Variants in LTV1 observed in about 807,000 individuals in gnomAD.
The protein encoded by LTV1 is LTV1 ribosome biogenesis factor, also known as protein LTV1 homolog.
Under a neutral mutation model 59.9 loss-of-function variants are expected in LTV1, and 39 were observed. That is an observed-to-expected ratio of 0.65 (90% CI 0.50 to 0.85). The LOEUF (loss-of-function observed/expected upper bound fraction) is 0.85, where lower values mean the gene tolerates loss of function less well. Among genes scored for constraint, LTV1 ranks in the 40% least tolerant of loss-of-function variants. The pLI, the probability that LTV1 is intolerant of heterozygous loss-of-function variation, is 0.00. For synonymous variants in LTV1, 171 were observed against 189.5 expected (o/e 0.90, Z 0.80); for missense variants, 493 against 549.1 (o/e 0.90, Z 1.02).
rs1264337604 is a variant in LTV1 at position 143,862,919 on chromosome 6, AT to A, written c.1116+26del. The A allele has an allele frequency of 6.4e-7, 1 of 1,560,012 alleles. No individual in the cohort carries two copies. Among genetic ancestry groups the A allele is most frequent in the Non-Finnish European group, 8.8e-7 (1 of 1,131,006 alleles). ...AAGGTAAGTCCTAGTGTGCTGAGCT[AT>A]TTGAAGGATGCAGTGCATAAAAAAT... is the stretch of plus-strand genomic sequence containing the variant. On this transcript the variant is annotated intron_variant, in intron 9 of 10. Transcript: ENST00000367576. The surrounding 1 kb of genome is among the most constrained non-coding windows in gnomAD (Gnocchi z 4.2).
rs777360108 is a variant in LTV1 at position 143,862,204 on chromosome 6, G to A, written c.1024G>A (p.Glu342Lys). The A allele has an allele frequency of 3.7e-6, 6 of 1,613,672 alleles. No individual in the cohort carries two copies. The South Asian group carries it at 6.6e-5, about 18-fold the overall frequency. Residue 342 changes from glutamate to lysine, a missense_variant, in exon 8 of 11, where the codon GAA becomes AAA. Physicochemically the swap from Glu to Lys is moderately conservative, Grantham distance 56. Transcript: ENST00000367576. This position sits in a 1 kb window ranked among gnomAD's most constrained non-coding sequence, Gnocchi z 4.2. Reference protein sequence around the residue: ...EEEEMITVVLEEAKEKWDCES... With the variant: ...EEEEMITVVLKEAKEKWDCES... ...GGAAGAAATGATTACTGTAGTCCTT[G>A]AAGAAGCCAAAGAGAAGTGGGATTG... is the stretch of plus-strand genomic sequence containing the variant.
chr6:143,843,957 T>C (rs1776846256), intron 1 of LTV1, among the ~76,000 whole-genome samples: 3 of 152,304 alleles, frequency 2.0e-5, no homozygotes, highest in South Asian at 2.1e-4. Flanking sequence ...AGAATCAAAA[T>C]TGAATAGCGA....
In LTV1 at chr6:143,844,422, A is replaced by G. The variant is rs1306104934; in HGVS notation, c.4-64A>G. 3.0e-5 allele frequency: 47 copies of G among 1,563,334 alleles called. 1 individual carries two copies. The South Asian group carries it at 4.5e-4, about 15-fold the overall frequency. On this transcript the variant is annotated intron_variant, in intron 1 of 10. Transcript: ENST00000367576. ...ACTACTAAAGATGCATGTGTGGACT[A>G]TGGAATTATTCTCCGTCTTTTTGTT...
intron 4 of LTV1, among the ~76,000 whole-genome samples, chr6:143,852,721 A>C (rs1170291273): frequency 1.3e-5 from 2 of 152,206 alleles, no homozygotes; most frequent in South Asian, 2.1e-4. Flanking sequence ...TGAAGTCTTT[A>C]ATCCATCTTG....
intron 4 of LTV1, 151 bp downstream of exon 4, chr6:143,850,369 G>A (rs1181603452): frequency 3.3e-6 from 2 of 597,102 alleles, no homozygotes; most frequent in Middle Eastern, 4.5e-4. Flanking sequence ...AGGGATGAAT[G>A]TGATCTTTGT....
At chr6:143,849,294 A>C (rs1307901971) in intron 3 of LTV1, among the ~76,000 whole-genome samples, 2 of 152,196 alleles carry the variant, frequency 1.3e-5, no homozygotes, top group African/African-American at 4.8e-5. Context: ...CCGAGGATTT[A>C]AGATTGCCAA....
chr6:143,852,365 G>A (rs543390111), intron 4 of LTV1, among the ~76,000 whole-genome samples: 2 of 152,304 alleles, frequency 1.3e-5, no homozygotes, highest in South Asian at 4.1e-4. Context: ...CTGCATAAAT[G>A]TCTTCATTTG....
intron 6 of LTV1, 131 bp downstream of exon 6, chr6:143,858,138 C>T (rs941058188): frequency 1.2e-6 from 1 of 830,204 alleles, no homozygotes; most frequent in Non-Finnish European, 1.9e-6. Flanking sequence ...TTACAACTAT[C>T]CAGCTATAGG....
intron 1 of LTV1, among the ~76,000 whole-genome samples, chr6:143,844,168 G>A (rs1337066831): frequency 6.6e-6 from 1 of 152,138 alleles, no homozygotes; most frequent in African/African-American, 2.4e-5. Context: ...GCATTTTCAC[G>A]TCACTGTCTT....
At chr6:143,846,307 G>C (rs1776889624) in intron 3 of LTV1, 83 bp downstream of exon 3, 1 of 1,329,386 alleles carries the variant, frequency 7.5e-7, no homozygotes, top group South Asian at 1.4e-5. Flanking sequence ...GGCAAGAAAT[G>C]GTGTCCGTAT....
Position 143,860,484 on chromosome 6 carries a change from G to T in LTV1, c.854G>T (p.Gly285Val), listed in dbSNP as rs754609861. 6.2e-7 allele frequency: 1 copy of T among 1,613,598 alleles called. No homozygotes were observed. Among genetic ancestry groups the T allele is most frequent in the East Asian group, 2.2e-5 (1 of 44,778 alleles). The part of the protein sequence containing the change: ...IGALDNAELE[G>V]SIQVDSNRLQ... The stretch of plus-strand genomic sequence containing the variant: ...GCTCTGGATAATGCAGAATTGGAAG[G>T]TTCTATTCAAGTGGACAGCAATCGC... The change falls in exon 7 of 11, where the codon GGT (glycine) becomes GTT (valine). Residue 285 changes from glycine to valine, a missense_variant. Physicochemically the swap from Gly to Val is moderately radical, Grantham distance 109. Transcript: ENST00000367576.
rs191856569 is a variant in LTV1, at chr6:143,855,030, A to G, written c.398-2273A>G. Among the ~76,000 whole-genome samples, 1 of 152,220 alleles carries G rather than the reference A, an allele frequency of 6.6e-6. No individual in the cohort carries two copies. The highest frequency in any genetic ancestry group is 1.9e-4 in the East Asian group (1 of 5,182). ...AATTTTCTGTCTCGTTGATCTGTCT[A>G]ATATTGACAGTGGGGTGTTAAAGTC... On this transcript the variant is annotated intron_variant, in intron 4 of 10. Coordinates refer to ENST00000367576, the MANE Select transcript of LTV1 (RefSeq NM_032860.5). This position sits in a 1 kb window ranked among gnomAD's most constrained non-coding sequence, Gnocchi z 4.6.
At chr6:143,845,268 C>T (rs1433435620) in intron 2 of LTV1, among the ~76,000 whole-genome samples, 2 of 152,070 alleles carry the variant, frequency 1.3e-5, no homozygotes, top group African/African-American at 2.4e-5. Context: ...TATTATGAAA[C>T]AGAGTGTTGG....
chr6:143,848,109 T>C (rs1432637515), intron 3 of LTV1, among the ~76,000 whole-genome samples: 1 of 152,214 alleles, frequency 6.6e-6, no homozygotes, highest in African/African-American at 2.4e-5. Flanking sequence ...CTTTAAACTC[T>C]TAATCGTGTA....
chr6:143,844,744 G>A lies in LTV1; in HGVS notation c.135+127G>A, dbSNP rs1776862775. The A allele has an allele frequency of 4.1e-6, 4 of 968,516 alleles. No individual in the cohort carries two copies. The African/African-American group carries it at 5.1e-5, about 12-fold the overall frequency. 60.0% of individuals were successfully genotyped at this position (968,516 alleles called of 1,614,324 possible). A position where few individuals can be genotyped will look rare whatever the true frequency, so the allele number is the denominator to read the frequency against. On this transcript the variant is annotated intron_variant, in intron 2 of 10. Coordinates refer to ENST00000367576, the MANE Select transcript of LTV1 (RefSeq NM_032860.5). ...GGTCTCGAACTCCTGGACTTAAGCAGTCCTCCCAGCTTGGCCTCCAAAAGT... is the reference window on the plus strand; with the variant it reads ...GGTCTCGAACTCCTGGACTTAAGCAATCCTCCCAGCTTGGCCTCCAAAAGT...
intron 4 of LTV1, among the ~76,000 whole-genome samples, chr6:143,852,664 A>C (rs1777002652): frequency 6.6e-6 from 1 of 152,102 alleles, no homozygotes; most frequent in Non-Finnish European, 1.5e-5. Flanking sequence ...CCTGAATGGT[A>C]TTGCTTAGGT....
chr6:143,860,181 G>T (rs1053744348), intron 6 of LTV1, among the ~76,000 whole-genome samples: 1 of 152,138 alleles, frequency 6.6e-6, no homozygotes, highest in Non-Finnish European at 1.5e-5. Context: ...GTGGAATAAT[G>T]CCTTTCATTT....
At position 143,850,186 on chromosome 6, in the gene LTV1, T is replaced by A. The variant is rs563836263; in HGVS notation, c.365T>A (p.Val122Asp). Residue 122 changes from valine to aspartate, a missense_variant, in exon 4 of 11, where the codon GTT (valine) becomes GAT (aspartate). Val to Asp is a radical substitution (Grantham distance 152). Coordinates refer to ENST00000367576, the MANE Select transcript of LTV1 (RefSeq NM_032860.5). ...SVFASEFEED[V>D]GLLNKAAPVS... ...TTTGCTTCAGAGTTTGAGGAAGATG[T>A]TGGATTGTTAAATAAAGCAGCTCCA... The A allele has an allele frequency of 1.2e-6, 2 of 1,613,718 alleles. No homozygotes were observed. The highest frequency in any genetic ancestry group is 1.7e-6 in the Non-Finnish European group (2 of 1,179,868).
rs1777056853 is a variant in LTV1 at position 143,855,330 on chromosome 6, G to A, written c.398-1973G>A. ...TCCTCCATTCCTTTATTTTGAGTCT[G>A]TGTGCGTCTTTGCACATGAGATAGG... On this transcript the variant is annotated intron_variant, in intron 4 of 10. Transcript: ENST00000367576. This position sits in a 1 kb window ranked among gnomAD's most constrained non-coding sequence, Gnocchi z 4.6. 1.3e-5 allele frequency among the ~76,000 whole-genome samples: 2 copies of A among 152,048 alleles called. No individual in the cohort carries two copies. The highest frequency in any genetic ancestry group is 1.5e-5 in the Non-Finnish European group (1 of 67,998).
Sources: gnomAD v4.1 joint callset for allele counts (sites outside exome capture counted in the v4.1 genomes callset) on GRCh38, gnomAD v4.1.1 for gene constraint, Gnocchi (gnomAD v3.1) non-coding constraint, MANE v1.5 for transcripts, NCBI Gene and HGNC (gene_info 2026-07-23, HGNC 2026-07-21) for gene names.